The following SNTG1 variants were observed in gnomAD, a reference collection of about 807,000 sequenced individuals.
SNTG1 encodes syntrophin gamma 1.
SNTG1 carries 39 observed loss-of-function variants against 74.7 expected under a neutral mutation model. The observed-to-expected ratio is 0.52, with a 90% CI of 0.40 to 0.68. The LOEUF (loss-of-function observed/expected upper bound fraction) is 0.68, where lower values mean the gene tolerates loss of function less well. Among genes scored for constraint, SNTG1 ranks in the 30% least tolerant of loss-of-function variants. SNTG1 has a pLI of 0.00. For missense variants in SNTG1, 685 were observed against 609.5 expected (o/e 1.12, Z -1.30); for synonymous variants, 254 against 217.1 (o/e 1.17, Z -1.49).
intron 13 of SNTG1, among the ~76,000 whole-genome samples, chr8:50,651,583 G>A (rs1018867454): frequency 6.0e-5 from 9 of 150,252 alleles, no homozygotes; most frequent in African/African-American, 9.8e-5. Context: ...TCAGCCTCCC[G>A]AGTAGCTGGG....
intron 12 of SNTG1, among the ~76,000 whole-genome samples, chr8:50,587,886 C>A (rs1281817830): frequency 1.3e-5 from 2 of 151,546 alleles, no homozygotes; most frequent in East Asian, 3.9e-4. Context: ...CCGAGGCGGG[C>A]GGATCACGAG....
intron 1 of SNTG1, among the ~76,000 whole-genome samples, chr8:50,032,808 C>T (rs929590867): frequency 3.3e-4 from 50 of 152,136 alleles, no homozygotes; most frequent in African/African-American, 1.2e-3. Context: ...TTTCATGTTG[C>T]TCACCTGCTA....
intron 4 of SNTG1, 48 bp from the exon 5 acceptor site, chr8:50,438,495 G>T (rs749738227): frequency 6.5e-7 from 1 of 1,530,288 alleles, no homozygotes; most frequent in Non-Finnish European, 9.0e-7. Context: ...TGGTGTGTAA[G>T]TATAGTATTA....
chr8:49,963,259 G>A (rs377462115), intron 1 of SNTG1, among the ~76,000 whole-genome samples: 21 of 152,194 alleles, frequency 1.4e-4, no homozygotes, highest in South Asian at 6.2e-4. Flanking sequence ...AGCATGTGCT[G>A]TATGAACGGT....
chr8:50,714,964 G>A (rs550820019), intron 17 of SNTG1, among the ~76,000 whole-genome samples: 23 of 152,036 alleles, frequency 1.5e-4, no homozygotes, highest in East Asian at 1.9e-4. Context: ...AACAAAAACC[G>A]TAAAAGGTAG....
At chr8:50,108,722 C>A (rs994880306) in intron 1 of SNTG1, among the ~76,000 whole-genome samples, 1 of 152,054 alleles carries the variant, frequency 6.6e-6, no homozygotes, top group African/African-American at 2.4e-5. Flanking sequence ...CTACTATGTC[C>A]AGCTCCTTTG....
At chr8:50,547,766 C>T (rs1415868512) in intron 11 of SNTG1, among the ~76,000 whole-genome samples, 1 of 151,906 alleles carries the variant, frequency 6.6e-6, no homozygotes, top group Non-Finnish European at 1.5e-5. Flanking sequence ...ATCAAATGAT[C>T]GAATATATAT....
intron 1 of SNTG1, among the ~76,000 whole-genome samples, chr8:50,155,223 A>G (rs935762575): frequency 1.3e-5 from 2 of 151,976 alleles, no homozygotes; most frequent in Non-Finnish European, 2.9e-5. Flanking sequence ...GTAAAAATAC[A>G]CAGAGAGATC....
intron 1 of SNTG1, among the ~76,000 whole-genome samples, chr8:50,057,329 A>G (rs1820108556): frequency 1.3e-5 from 2 of 152,076 alleles, no homozygotes; most frequent in Admixed American, 1.3e-4. Flanking sequence ...TGAAGACACA[A>G]TGGGTTAGGG....
chr8:50,789,447 C>A (rs1358097644), intron 18 of SNTG1, among the ~76,000 whole-genome samples: 1 of 151,952 alleles, frequency 6.6e-6, no homozygotes, highest in Non-Finnish European at 1.5e-5. Context: ...GCTTTACCTA[C>A]CATCTATGTG....
At chr8:50,152,084 C>G (rs2082088251) in intron 1 of SNTG1, among the ~76,000 whole-genome samples, 1 of 152,158 alleles carries the variant, frequency 6.6e-6, no homozygotes, top group Admixed American at 6.5e-5. Flanking sequence ...CTTTATGAAA[C>G]TGGGTGCTCC....
At chr8:50,331,330 G>A (rs1190789937) in intron 2 of SNTG1, among the ~76,000 whole-genome samples, 3 of 152,124 alleles carry the variant, frequency 2.0e-5, no homozygotes, top group Non-Finnish European at 4.4e-5. Flanking sequence ...TTTTGACTGA[G>A]GGAATCAGAA....
chr8:50,045,976 T>C (rs774829372), intron 1 of SNTG1, among the ~76,000 whole-genome samples: 2 of 152,002 alleles, frequency 1.3e-5, no homozygotes, highest in African/African-American at 2.4e-5. Flanking sequence ...AAGAGTAGAG[T>C]TCAGGCTTTG....
chr8:50,561,051 C>A (rs2094484983), intron 12 of SNTG1, among the ~76,000 whole-genome samples: 1 of 152,166 alleles, frequency 6.6e-6, no homozygotes, highest in Non-Finnish European at 1.5e-5. Flanking sequence ...GCATCCAAAT[C>A]TCATCACAAA....
At chr8:50,632,242 G>T (rs888118363) in intron 13 of SNTG1, among the ~76,000 whole-genome samples, 4 of 151,778 alleles carry the variant, frequency 2.6e-5, no homozygotes, top group Non-Finnish European at 5.9e-5. Context: ...ATGATAAAAT[G>T]ATAAATATCA....
chr8:50,209,839 C>T (rs1208226922), intron 2 of SNTG1, among the ~76,000 whole-genome samples: 1 of 152,146 alleles, frequency 6.6e-6, no homozygotes, highest in East Asian at 1.9e-4. Flanking sequence ...AACGTAGCTC[C>T]TCACCAGCAA....
At chr8:50,593,652 C>T (rs1585787534) in intron 13 of SNTG1, among the ~76,000 whole-genome samples, 2 of 151,766 alleles carry the variant, frequency 1.3e-5, no homozygotes, top group Non-Finnish European at 2.9e-5. Flanking sequence ...AGTAAGTTTT[C>T]CATTTTTTCT....
At chr8:49,944,432 C>A (rs1808974303) in intron 1 of SNTG1, among the ~76,000 whole-genome samples, 3 of 151,410 alleles carry the variant, frequency 2.0e-5, no homozygotes, top group Admixed American at 2.0e-4. Context: ...TTCTTTCTTT[C>A]TTTTTTAAGA....
chr8:50,762,865 A>G, intron 18 of SNTG1: 1 of 329,288 alleles, frequency 3.0e-6, no homozygotes, highest in African/African-American at 2.2e-5. Flanking sequence ...GTCACACTCT[A>G]TTGCCTTAGC....
Sources: gnomAD v4.1 joint callset for allele counts (sites outside exome capture counted in the v4.1 genomes callset) on GRCh38, gnomAD v4.1.1 for gene constraint, MANE v1.5 for transcripts, NCBI Gene and HGNC (gene_info 2026-07-23, HGNC 2026-07-21) for gene names.